SEC22C: variants seen among roughly 807,000 people sequenced by gnomAD.
The protein encoded by SEC22C is SEC22 homolog C, vesicle trafficking protein, also known as vesicle-trafficking protein SEC22c.
SEC22C carries 29 observed loss-of-function variants against 34.7 expected under a neutral mutation model. The observed-to-expected ratio is 0.84, with a 90% CI of 0.62 to 1.14. SEC22C has a LOEUF of 1.14. SEC22C is among the 50% of genes most tolerant of loss of function. The probability of loss-of-function intolerance (pLI) is 0.00; values close to 1 mark genes in which losing one functional copy is unlikely to be tolerated. For missense variants in SEC22C, 337 were observed against 369.0 expected, an observed-to-expected ratio of 0.91 and a Z score of 0.71; for synonymous variants, 117 against 132.8, an observed-to-expected ratio of 0.88 and a Z score of 0.82.
At chr3:42,590,863 T>C in intron 1 of SEC22C, 1 of 1,612,596 alleles carries the variant, frequency 6.2e-7, no homozygotes, top group Non-Finnish European at 8.5e-7. Context: ...GTGGGTCGAG[T>C]TGCTTGGCGG....
intron 1 of SEC22C, among the ~76,000 whole-genome samples, chr3:42,594,168 G>A (rs1704957578): frequency 1.3e-5 from 2 of 152,256 alleles, no homozygotes; most frequent in South Asian, 4.1e-4. Flanking sequence ...GGTGCGCAAA[G>A]ATAGATCTGG....
chr3:42,571,910 G>C (rs182095246), intron 1 of SEC22C, among the ~76,000 whole-genome samples: 1 of 152,338 alleles, frequency 6.6e-6, no homozygotes, highest in African/African-American at 2.4e-5. Context: ...GCACACACCT[G>C]TAATCCCAGC....
rs1455096228 is a variant in SEC22C at position 42,569,035 on chromosome 3, G to C, written c.12C>G (p.Ile4Met). 4.3e-6 allele frequency: 7 copies of C among 1,613,700 alleles called. No homozygotes were observed. In the African/African-American group the frequency reaches 8.0e-5, roughly 18 times the overall value. MSVIFFACVVRVRD... is the reference protein window; with the variant it reads MSVMFFACVVRVRD... ...TTACCCGTACCACGCAGGCAAAAAA[G>C]ATCACGGACATGGTCCACAAGAGAA... Residue 4 changes from isoleucine to methionine, a missense_variant, in exon 2 of 7, where the codon ATC (isoleucine) becomes ATG (methionine). Transcript: ENST00000264454.
chr3:42,556,522 G>GT (rs1702537905), intron 5 of SEC22C, among the ~76,000 whole-genome samples: 1 of 152,158 alleles, frequency 6.6e-6, no homozygotes, highest in African/African-American at 2.4e-5. Context: ...ACAGGATGTG[G>GT]TAACAGGCAG....
At chr3:42,566,787 T>C in intron 2 of SEC22C, 1 of 395,358 alleles carries the variant, frequency 2.5e-6, no homozygotes, top group Non-Finnish European at 5.1e-6. Context: ...GAGGATCACT[T>C]GAGCCTAGGA....
chr3:42,565,094 C>T (rs903440549), intron 2 of SEC22C, among the ~76,000 whole-genome samples: 14 of 152,112 alleles, frequency 9.2e-5, no homozygotes, highest in African/African-American at 3.4e-4. Context: ...CCTATGTAAG[C>T]CCAAACCAAG....
chr3:42,600,739 T>C (rs1319170493), intron 1 of SEC22C: 2 of 326,726 alleles, frequency 6.1e-6, no homozygotes, highest in Non-Finnish European at 1.1e-5. Flanking sequence ...GTGCTTTCTC[T>C]TCTGCTCACG....
intron 1 of SEC22C, chr3:42,587,630 G>A (rs988905574): frequency 6.6e-6 from 1 of 152,180 alleles, no homozygotes; most frequent in Non-Finnish European, 1.5e-5. Context: ...CAGCTACTGG[G>A]GAAGCTGAGG....
chr3:42,558,982 AT>A (rs1253400936), intron 4 of SEC22C, among the ~76,000 whole-genome samples: 3 of 152,238 alleles, frequency 2.0e-5, no homozygotes, highest in Admixed American at 2.0e-4. Flanking sequence ...TTCACAGCAA[AT>A]GCAATTTTTA....
intron 1 of SEC22C, among the ~76,000 whole-genome samples, chr3:42,574,678 T>C (rs1329346000): frequency 1.3e-5 from 2 of 152,066 alleles, no homozygotes; most frequent in Non-Finnish European, 2.9e-5. Flanking sequence ...TAAAAGGAGG[T>C]AAAGTTTCTA....
At chr3:42,553,687 G>C (rs1159796353) in intron 6 of SEC22C, among the ~76,000 whole-genome samples, 1 of 152,176 alleles carries the variant, frequency 6.6e-6, no homozygotes, top group African/African-American at 2.4e-5. Context: ...ATCAGTGCAT[G>C]GCACATCTGA....
rs930985598 is a variant in SEC22C, at chr3:42,550,062, C to T, written c.*3186G>A. ...CAGGGGAAAACAGATTTACATGTTT[C>T]GTTCATTAGCATATTAGGGAAGGGG... On this transcript the variant is annotated 3_prime_UTR_variant, in exon 7 of 7. Coordinates refer to ENST00000264454, the MANE Select transcript of SEC22C (RefSeq NM_032970.4). The T allele has an allele frequency of 3.8e-5, 37 of 985,314 alleles. No individual in the cohort carries two copies. The highest frequency in any genetic ancestry group is 7.0e-5 in the African/African-American group (4 of 57,238). 61.0% of individuals were successfully genotyped at this position (985,314 alleles called of 1,614,324 possible).
chr3:42,575,538 C>T (rs1389330372), intron 1 of SEC22C, among the ~76,000 whole-genome samples: 5 of 152,292 alleles, frequency 3.3e-5, no homozygotes, highest in South Asian at 2.1e-4. Context: ...AAGGATATTA[C>T]ATAATGATAA....
chr3:42,565,007 C>A (rs1703148070), intron 2 of SEC22C, among the ~76,000 whole-genome samples: 1 of 152,170 alleles, frequency 6.6e-6, no homozygotes, highest in Non-Finnish European at 1.5e-5. Flanking sequence ...ATCTGCCTGC[C>A]TCAACCTCCC....
chr3:42,588,097 T>TAAC (rs201585669), intron 1 of SEC22C, among the ~76,000 whole-genome samples: 3 of 146,552 alleles, frequency 2.0e-5, no homozygotes, highest in Non-Finnish European at 4.5e-5. Flanking sequence ...AAAACAACAA[T>TAAC]AACAACAACA....
At chr3:42,600,964 T>C in exon 1 of SEC22C, 1 of 1,486,046 alleles carries the variant, frequency 6.7e-7, no homozygotes, top group Non-Finnish European at 9.0e-7. Flanking sequence ...CCTGACCGCT[T>C]TTCTCCCCCT....
At position 42,552,024 on chromosome 3, in the gene SEC22C, T is replaced by C. The variant is rs1054947555; in HGVS notation, c.*1224A>G. ...CAAAGAGCAAACTCCCAAAATGACC[T>C]CCTGCGTGGTACAAAACAAGCCAGG... On this transcript the variant is annotated 3_prime_UTR_variant, in exon 7 of 7. Transcript: ENST00000264454. 8.1e-6 allele frequency: 8 copies of C among 985,308 alleles called. No homozygotes were observed. The highest frequency in any genetic ancestry group is 9.6e-6 in the Non-Finnish European group (8 of 829,934). The allele number at this position is 985,308 out of a possible 1,614,324, so 61.0% of individuals were successfully genotyped here.
chr3:42,557,532 A>G, intron 5 of SEC22C, 46 bp downstream of exon 5: 79 of 734,990 alleles, frequency 1.1e-4, no homozygotes, highest in Non-Finnish European at 1.6e-4. Context: ...TTCTTCTATC[A>G]TATGTCCTTC....
intron 1 of SEC22C, among the ~76,000 whole-genome samples, chr3:42,596,263 C>G (rs1251132120): frequency 6.6e-6 from 1 of 152,124 alleles, no homozygotes; most frequent in African/African-American, 2.4e-5. Flanking sequence ...CTCAGGTGAT[C>G]CACCTGCCTC....
Sources: allele counts gnomAD v4.1 joint callset (sites outside exome capture counted in the v4.1 genomes callset), GRCh38; gene constraint gnomAD v4.1.1; transcripts MANE v1.5; gene names NCBI Gene and HGNC (gene_info 2026-07-23, HGNC 2026-07-21).